ARG2: variants seen among roughly 807,000 people sequenced by gnomAD.
ARG2 encodes the protein arginase-2, mitochondrial.
In ARG2, 21 loss-of-function variants were observed where a neutral mutation model predicts 39.4. That is an observed-to-expected ratio of 0.53 (90% CI 0.38 to 0.77). The LOEUF (loss-of-function observed/expected upper bound fraction) is 0.77. Ranked by LOEUF, ARG2 falls within the 30% of genes least tolerant of loss-of-function variation. ARG2 has a pLI of 0.00. For synonymous variants in ARG2, 150 were observed against 156.7 expected (o/e 0.96, Z 0.32); for missense variants, 378 against 426.2 (o/e 0.89, Z 1.00).
At chr14:67,630,643 G>A (rs763702266) in intron 2 of ARG2, among the ~76,000 whole-genome samples, 13 of 152,166 alleles carry the variant, frequency 8.5e-5, no homozygotes, top group African/African-American at 2.7e-4. Context: ...GCAGTGGCGC[G>A]ATCTTGGCTC....
At chr14:67,627,340 G>A (rs2036877711) in intron 2 of ARG2, among the ~76,000 whole-genome samples, 1 of 148,586 alleles carries the variant, frequency 6.7e-6, no homozygotes, top group Admixed American at 6.8e-5. Flanking sequence ...GTAATTATAG[G>A]GTGTTTACAA....
chr14:67,635,183 G>T (rs896928488), intron 2 of ARG2, among the ~76,000 whole-genome samples: 3 of 152,198 alleles, frequency 2.0e-5, no homozygotes, highest in African/African-American at 7.2e-5. Context: ...GGTTGAGGCT[G>T]CAGTGAGCCA....
intron 3 of ARG2, among the ~76,000 whole-genome samples, chr14:67,642,795 T>TTTC (rs2037050022): frequency 3.4e-5 from 3 of 87,054 alleles, no homozygotes; most frequent in African/African-American, 1.7e-4. Flanking sequence ...TACATTTTCT[T>TTTC]TTTTTTTTTT....
At position 67,646,903 on chromosome 14, in the gene ARG2, C is replaced by G; in HGVS notation, c.618-18C>G. On this transcript the variant is annotated intron_variant, in intron 5 of 7. Coordinates refer to ENST00000261783, the MANE Select transcript of ARG2 (RefSeq NM_001172.4). ...TGCTCTTTAAACTAAGGACTCCTCC[C>G]TTTATATCTCATCACAGTTTTATTT... 1 of 1,533,368 alleles carries G rather than the reference C, an allele frequency of 6.5e-7. No homozygotes were observed. Among genetic ancestry groups the G allele is most frequent in the Non-Finnish European group, 9.0e-7 (1 of 1,107,188 alleles). 95.0% of individuals were successfully genotyped at this position (1,533,368 alleles called of 1,614,324 possible).
chr14:67,620,840 G>GT (rs931060527), intron 1 of ARG2, 54 bp from the exon 2 acceptor site: 11 of 1,596,960 alleles, frequency 6.9e-6, no homozygotes, highest in Non-Finnish European at 8.6e-6. Flanking sequence ...TACCAAATGG[G>GT]TTTTTTTCCG....
Position 67,650,859 on chromosome 14 carries a change from A to T in ARG2, c.1004A>T (p.Asp335Val). The T allele has an allele frequency of 6.2e-7, 1 of 1,614,220 alleles. No homozygotes were observed. The highest frequency in any genetic ancestry group is 8.5e-7 in the Non-Finnish European group (1 of 1,180,022). The change falls in exon 8 of 8, where the codon GAC becomes GTC. Residue 335 changes from aspartate (D) to valine (V), a missense_variant. Asp to Val is a radical substitution (Grantham distance 152). Transcript: ENST00000261783. ...AGAGAAGGAGGGCATATTGTCTATG[A>T]CCAACTTCCTACTCCCAGTTCACCA... ...QTREGGHIVYDQLPTPSSPDE... is the reference protein window; with the variant it reads ...QTREGGHIVYVQLPTPSSPDE...
rs767425450 is a variant in ARG2, at chr14:67,645,814, A to C, written c.522+12A>C. 2 of 1,612,994 alleles carry C rather than the reference A, an allele frequency of 1.2e-6. No homozygotes were observed. Among genetic ancestry groups the C allele is most frequent in the Non-Finnish European group, 1.7e-6 (2 of 1,179,454 alleles). On this transcript the variant is annotated intron_variant, in intron 4 of 7. Coordinates refer to ENST00000261783, the MANE Select transcript of ARG2 (RefSeq NM_001172.4). ...AACTACAGGATAAGGTCAGTGGGCC[A>C]AAACGAAAAGAAAGGTGAATGGCTT...
At chr14:67,637,392 C>A (rs2036983491) in intron 2 of ARG2, among the ~76,000 whole-genome samples, 1 of 120,920 alleles carries the variant, frequency 8.3e-6, no homozygotes, top group African/African-American at 3.3e-5. Flanking sequence ...GCCTGAGCGA[C>A]AGAGCAAGAC....
chr14:67,635,589 C>T (rs918987318), intron 2 of ARG2, among the ~76,000 whole-genome samples: 5 of 152,226 alleles, frequency 3.3e-5, no homozygotes, highest in African/African-American at 2.4e-5. Flanking sequence ...CACGGCGGCT[C>T]ACACCTGTAT....
chr14:67,637,047 T>C (rs143384494), intron 2 of ARG2, among the ~76,000 whole-genome samples: 3 of 152,256 alleles, frequency 2.0e-5, no homozygotes, highest in African/African-American at 7.2e-5. Flanking sequence ...CTAAGCTTCT[T>C]GAAAAATTAG....
chr14:67,625,927 G>A (rs1042105677), intron 2 of ARG2, among the ~76,000 whole-genome samples: 2 of 152,100 alleles, frequency 1.3e-5, no homozygotes, highest in South Asian at 4.1e-4. Context: ...CAAATGGGCA[G>A]TAAACACATT....
chr14:67,635,138 G>A (rs904974696), intron 2 of ARG2, among the ~76,000 whole-genome samples: 2 of 152,148 alleles, frequency 1.3e-5, no homozygotes, highest in Admixed American at 1.3e-4. Flanking sequence ...CAGCTACTCT[G>A]GAGGCTGATA....
In ARG2 at chr14:67,651,601, G is replaced by T; in HGVS notation, c.*681G>T. ...CTGAGGCTGTATGTTTGATCACACAGCCACTTAGCAGGAAGTACTCATAAG... is the reference window on the plus strand; with the variant it reads ...CTGAGGCTGTATGTTTGATCACACATCCACTTAGCAGGAAGTACTCATAAG... On this transcript the variant is annotated 3_prime_UTR_variant, in exon 8 of 8. Coordinates refer to ENST00000261783, the MANE Select transcript of ARG2 (RefSeq NM_001172.4). The T allele has an allele frequency of 1.8e-6, 2 of 1,115,316 alleles. No individual in the cohort carries two copies. Among genetic ancestry groups the T allele is most frequent in the Non-Finnish European group, 2.5e-6 (2 of 797,650 alleles). The allele number at this position is 1,115,316 out of a possible 1,614,324, so 69.1% of individuals were successfully genotyped here.
At chr14:67,620,123 C>T in intron 1 of ARG2, 35 bp downstream of exon 1, 1 of 1,458,826 alleles carries the variant, frequency 6.9e-7, no homozygotes, top group South Asian at 1.2e-5. Flanking sequence ...CGGGCAGGAT[C>T]CTCCGCCCCC....
chr14:67,620,202 C>G (rs1347672995), intron 1 of ARG2, 114 bp downstream of exon 1: 2 of 523,908 alleles, frequency 3.8e-6, no homozygotes, highest in South Asian at 2.1e-5. Flanking sequence ...GGAGAAATGG[C>G]GAGGGGAAGA....
intron 5 of ARG2, 68 bp from the exon 6 acceptor site, chr14:67,646,853 C>A: frequency 1.5e-6 from 2 of 1,375,900 alleles, no homozygotes; most frequent in Non-Finnish European, 2.1e-6. Context: ...CCCACCCTCT[C>A]CCCCAAATAC....
intron 1 of ARG2, 89 bp downstream of exon 1, chr14:67,620,177 G>A: frequency 3.2e-6 from 3 of 929,686 alleles, no homozygotes; most frequent in South Asian, 3.4e-5. Flanking sequence ...GGACCGGGAG[G>A]CGAGGAGAGG....
At position 67,651,380 on chromosome 14, in the gene ARG2, G is replaced by GAAGT. The variant is rs1343511613; in HGVS notation, c.*461_*464dup. The GAAGT allele has an allele frequency of 1.2e-6, 2 of 1,613,644 alleles. No individual in the cohort carries two copies. The highest frequency in any genetic ancestry group is 1.7e-6 in the Non-Finnish European group (2 of 1,179,672). ...TCTGGTCCACAAACCCTTCCCTATA[G>GAAGT]AAGTTCAATGGCTGCGAAAGAATTT... On this transcript the variant is annotated 3_prime_UTR_variant, in exon 8 of 8. Transcript: ENST00000261783.
intron 3 of ARG2, among the ~76,000 whole-genome samples, chr14:67,643,852 T>TAAAAAA (rs553614739): frequency 1.1e-4 from 9 of 81,216 alleles, no homozygotes; most frequent in South Asian, 3.3e-4. Flanking sequence ...TCCTTGGGAG[T>TAAAAAA]AAAAAAAAAA....
Sources: allele counts gnomAD v4.1 joint callset (sites outside exome capture counted in the v4.1 genomes callset), GRCh38; gene constraint gnomAD v4.1.1; transcripts MANE v1.5; gene names NCBI Gene and HGNC (gene_info 2026-07-23, HGNC 2026-07-21).